Variants in GLIS3 observed in about 807,000 individuals in gnomAD.
GLIS3 encodes zinc finger protein GLIS3.
In GLIS3, 53 loss-of-function variants were observed where a neutral mutation model predicts 78.6. The ratio of observed to expected loss-of-function variants is 0.67; its 90% confidence interval spans 0.54 to 0.85. The LOEUF is 0.85. GLIS3 is among the 40% of genes least tolerant of loss of function. The pLI is 0.00. For synonymous variants in GLIS3, 684 were observed against 509.9 expected (o/e 1.34, Z -4.60); for missense variants, 1,703 against 1,231.1 (o/e 1.38, Z -5.74).
intron 2 of GLIS3, among the ~76,000 whole-genome samples, chr9:4,188,788 G>T (rs1173462501): frequency 6.6e-6 from 1 of 152,168 alleles, no homozygotes; most frequent in Non-Finnish European, 1.5e-5. Context: ...TTGCGTAGAG[G>T]TGTTTGTAGT....
At chr9:3,973,488 C>A (rs1166884090) in intron 4 of GLIS3, among the ~76,000 whole-genome samples, 1 of 152,108 alleles carries the variant, frequency 6.6e-6, no homozygotes, top group African/African-American at 2.4e-5. Context: ...CAAAGACACT[C>A]CGATCAGATA....
chr9:4,479,538 G>T, the GLIS3 span, among the ~76,000 whole-genome samples: 3 of 152,138 alleles, frequency 2.0e-5, no homozygotes, highest in Non-Finnish European at 4.4e-5. Flanking sequence ...GTTCACAGAG[G>T]TTCCCTAGAC....
At chr9:4,266,959 C>T (rs1292455744) in intron 2 of GLIS3, among the ~76,000 whole-genome samples, 1 of 152,172 alleles carries the variant, frequency 6.6e-6, no homozygotes, top group Non-Finnish European at 1.5e-5. Flanking sequence ...GTGCTACATG[C>T]TGTGATATAA....
At chr9:4,172,401 G>A (rs1816448808) in intron 2 of GLIS3, among the ~76,000 whole-genome samples, 1 of 152,090 alleles carries the variant, frequency 6.6e-6, no homozygotes, top group Non-Finnish European at 1.5e-5. Flanking sequence ...CATGCAAGCA[G>A]TTTCTCCTTG....
chr9:4,421,084 G>C, the GLIS3 span, among the ~76,000 whole-genome samples: 1 of 152,210 alleles, frequency 6.6e-6, no homozygotes, highest in African/African-American at 2.4e-5. Context: ...ATCTTCACCA[G>C]CACTGAGTTT....
chr9:3,858,568 A>C (rs1004063345), intron 8 of GLIS3, among the ~76,000 whole-genome samples: 11 of 152,204 alleles, frequency 7.2e-5, no homozygotes, highest in African/African-American at 2.7e-4. Flanking sequence ...ATGTTAGTCA[A>C]ATAAATGAAT....
chr9:4,247,768 GAGA>G (rs1351251605), intron 2 of GLIS3, among the ~76,000 whole-genome samples: 2 of 152,102 alleles, frequency 1.3e-5, no homozygotes, highest in Admixed American at 1.3e-4. Context: ...ACTAAATTAA[GAGA>G]AGTTTTCTCA....
the GLIS3 span, among the ~76,000 whole-genome samples, chr9:4,411,160 C>G: frequency 0.98 from 149,841 of 152,290 alleles, 73,766 homozygotes; most frequent in East Asian, 1. Context: ...CTTGAATTTT[C>G]GGCCTAATTT....
At chr9:4,216,846 G>A (rs1300593533) in intron 2 of GLIS3, among the ~76,000 whole-genome samples, 1 of 152,192 alleles carries the variant, frequency 6.6e-6, no homozygotes, top group Non-Finnish European at 1.5e-5. Flanking sequence ...AAGCAGACAA[G>A]GAATGTCACG....
At chr9:4,050,034 G>A (rs536773122) in intron 4 of GLIS3, among the ~76,000 whole-genome samples, 2 of 152,310 alleles carry the variant, frequency 1.3e-5, no homozygotes, top group Middle Eastern at 3.4e-3. Context: ...GTGGAAGACA[G>A]TGTGGCAATT....
intron 1 of GLIS3, among the ~76,000 whole-genome samples, chr9:4,290,627 A>C (rs1406554228): frequency 6.6e-6 from 1 of 152,132 alleles, no homozygotes; most frequent in African/African-American, 2.4e-5. Flanking sequence ...ATAGAGCTGA[A>C]TGTTCTTAGA....
rs1817616572 is a variant in GLIS3, at chr9:3,824,398, C to CA, written c.*3873dup. On this transcript the variant is annotated 3_prime_UTR_variant, in exon 11 of 11. Transcript: ENST00000381971. Reference sequence around the variant, plus strand: ...CTGATGGTAAAACAAAACAAAAAAACAAACAAACAAACAATGATGGTTGCC... The same window carrying CA: ...CTGATGGTAAAACAAAACAAAAAAACAAAACAAACAAACAATGATGGTTGCC... 1 of 152,392 alleles carries CA rather than the reference C, an allele frequency of 6.6e-6. No individual in the cohort carries two copies. Among genetic ancestry groups the CA allele is most frequent in the South Asian group, 2.1e-4 (1 of 4,824 alleles). 9.4% of individuals were successfully genotyped at this position (152,392 alleles called of 1,614,324 possible). A position where few individuals can be genotyped will look rare whatever the true frequency, so the allele number is the denominator to read the frequency against.
chr9:3,900,227 G>A (rs549561241), intron 6 of GLIS3, among the ~76,000 whole-genome samples: 6 of 150,688 alleles, frequency 4.0e-5, no homozygotes, highest in East Asian at 1.9e-4. Flanking sequence ...GATAATAAGC[G>A]TGAAAAATGT....
At chr9:4,166,218 T>G (rs903029586) in intron 2 of GLIS3, among the ~76,000 whole-genome samples, 2 of 152,180 alleles carry the variant, frequency 1.3e-5, no homozygotes, top group African/African-American at 2.4e-5. Context: ...TTAGCTATAA[T>G]CAATACGTTT....
chr9:3,836,026 G>A (rs950589591), intron 9 of GLIS3, among the ~76,000 whole-genome samples: 1 of 152,118 alleles, frequency 6.6e-6, no homozygotes, highest in Admixed American at 6.5e-5. Context: ...TCTCTTTTCT[G>A]GAATGCATTC....
intron 8 of GLIS3, among the ~76,000 whole-genome samples, chr9:3,873,359 A>G (rs866929769): frequency 6.6e-6 from 1 of 152,186 alleles, no homozygotes; most frequent in Non-Finnish European, 1.5e-5. Flanking sequence ...ATACCAGCAA[A>G]CCAAACCCAA....
In GLIS3 at chr9:4,043,887, T is replaced by C. The variant is rs370309416; in HGVS notation, c.1710+73881A>G. On this transcript the variant is annotated intron_variant, in intron 4 of 10. Transcript: ENST00000381971. ...TGGAGAACACAATGCAAGTCTTGGG[T>C]TGGGGGCTCCCAGATATATCAGCTG... is the stretch of plus-strand genomic sequence containing the variant. Among the ~76,000 whole-genome samples the C allele has an allele frequency of 2.5e-4, 38 of 152,270 alleles. 1 individual carries two copies. The South Asian group carries it at 6.6e-3, about 27-fold the overall frequency.
chr9:4,051,693 G>A (rs1825758056), intron 4 of GLIS3, among the ~76,000 whole-genome samples: 1 of 152,162 alleles, frequency 6.6e-6, no homozygotes, highest in Admixed American at 6.5e-5. Flanking sequence ...TTTACCAGAA[G>A]TTTGAAAACT....
At chr9:4,404,921 C>G in the GLIS3 span, among the ~76,000 whole-genome samples, 1 of 151,652 alleles carries the variant, frequency 6.6e-6, no homozygotes, top group Non-Finnish European at 1.5e-5. Context: ...AAAAGACCAA[C>G]AAAACAAAAA....
Sources: gnomAD v4.1 joint callset for allele counts (sites outside exome capture counted in the v4.1 genomes callset) on GRCh38, gnomAD v4.1.1 for gene constraint, MANE v1.5 for transcripts, NCBI Gene and HGNC (gene_info 2026-07-23, HGNC 2026-07-21) for gene names.